Variants in KCNH7 observed in about 807,000 individuals in gnomAD.
KCNH7 encodes voltage-gated inwardly rectifying potassium channel KCNH7.
Under a neutral mutation model 120.8 loss-of-function variants are expected in KCNH7, and 49 were observed. The observed-to-expected ratio is 0.41, with a 90% CI of 0.32 to 0.51. The LOEUF (loss-of-function observed/expected upper bound fraction) is 0.51, where lower values mean the gene tolerates loss of function less well. KCNH7 is among the 20% of genes least tolerant of loss of function. The probability of loss-of-function intolerance (pLI) is 0.38; values close to 1 mark genes in which losing one functional copy is unlikely to be tolerated. For missense variants in KCNH7, 1,097 were observed against 1,446.6 expected, an observed-to-expected ratio of 0.76 and a Z score of 3.92; for synonymous variants, 547 against 516.1, an observed-to-expected ratio of 1.06 and a Z score of -0.81.
intron 2 of KCNH7, among the ~76,000 whole-genome samples, chr2:162,708,718 A>T (rs1686807649): frequency 6.6e-6 from 1 of 152,106 alleles, no homozygotes; most frequent in Non-Finnish European, 1.5e-5. Context: ...TGAGAATTTG[A>T]TGACAAATAT....
intron 2 of KCNH7, among the ~76,000 whole-genome samples, chr2:162,767,497 T>C (rs1682867708): frequency 6.6e-6 from 1 of 152,128 alleles, no homozygotes. Flanking sequence ...ATAGTTTTAC[T>C]GCTATTGGAG....
chr2:162,678,421 G>C (rs76706746), intron 2 of KCNH7, among the ~76,000 whole-genome samples: 5,539 of 151,434 alleles, frequency 0.037, 128 homozygotes, highest in South Asian at 0.056. Context: ...ACAACTGATA[G>C]CTGATCAAAG....
chr2:162,509,475 G>C (rs1319271395), intron 5 of KCNH7, among the ~76,000 whole-genome samples: 1 of 151,592 alleles, frequency 6.6e-6, no homozygotes, highest in Non-Finnish European at 1.5e-5. Context: ...AATTCCTCAA[G>C]TGACTTAACA....
intron 2 of KCNH7, among the ~76,000 whole-genome samples, chr2:162,564,739 A>G (rs1693193157): frequency 6.6e-6 from 1 of 152,104 alleles, no homozygotes; most frequent in Non-Finnish European, 1.5e-5. Context: ...GCATCTGTAA[A>G]ATTACTACAT....
chr2:162,513,051 AAAGG>A (rs1243848067), intron 4 of KCNH7, among the ~76,000 whole-genome samples: 4 of 151,848 alleles, frequency 2.6e-5, no homozygotes, highest in African/African-American at 9.7e-5. Context: ...GAATATACTC[AAAGG>A]AAGACTCCAC....
chr2:162,459,377 T>C (rs1000796423), intron 6 of KCNH7, among the ~76,000 whole-genome samples: 6 of 152,114 alleles, frequency 3.9e-5, no homozygotes, highest in Non-Finnish European at 8.8e-5. Flanking sequence ...AGACAGCTGT[T>C]GTGGACCAAA....
chr2:162,393,586 A>T (rs1275156292), intron 12 of KCNH7, among the ~76,000 whole-genome samples: 1 of 151,980 alleles, frequency 6.6e-6, no homozygotes, highest in African/African-American at 2.4e-5. Flanking sequence ...AGAAAAGAGT[A>T]TTCAAGAAAA....
At chr2:162,510,955 T>A (rs928172175) in intron 5 of KCNH7, among the ~76,000 whole-genome samples, 1 of 151,804 alleles carries the variant, frequency 6.6e-6, no homozygotes, top group Non-Finnish European at 1.5e-5. Context: ...TTTGGGGATA[T>A]AACTTCTTAA....
chr2:162,648,205 T>C (rs538948991), intron 2 of KCNH7, among the ~76,000 whole-genome samples: 1 of 152,162 alleles, frequency 6.6e-6, no homozygotes, highest in East Asian at 1.9e-4. Flanking sequence ...GGAAGCATGG[T>C]TGGGAGGCAT....
At chr2:162,448,873 C>T (rs147712147) in intron 6 of KCNH7, among the ~76,000 whole-genome samples, 12 of 151,968 alleles carry the variant, frequency 7.9e-5, no homozygotes, top group African/African-American at 2.9e-4. Context: ...ATGGGAGTCC[C>T]CTTGAGGTCC....
intron 2 of KCNH7, among the ~76,000 whole-genome samples, chr2:162,716,354 T>TCAAAAACTAAAAAGG (rs1398159191): frequency 6.6e-6 from 1 of 152,138 alleles, no homozygotes; most frequent in Non-Finnish European, 1.5e-5. Flanking sequence ...AAATTTGTTC[T>TCAAAAACTAAAAAGG]CAAAAACTAA....
intron 2 of KCNH7, among the ~76,000 whole-genome samples, chr2:162,672,910 C>A (rs1156379554): frequency 6.6e-6 from 1 of 151,754 alleles, no homozygotes; most frequent in Admixed American, 6.6e-5. Context: ...GTTTAAATAA[C>A]AAGACAATAA....
chr2:162,821,268 T>C (rs1049888459), intron 2 of KCNH7, among the ~76,000 whole-genome samples: 1 of 152,252 alleles, frequency 6.6e-6, no homozygotes, highest in African/African-American at 2.4e-5. Flanking sequence ...GCTGTGCTCA[T>C]GACTTACTAT....
chr2:162,781,665 A>G (rs1683495623), intron 2 of KCNH7, among the ~76,000 whole-genome samples: 1 of 152,144 alleles, frequency 6.6e-6, no homozygotes, highest in African/African-American at 2.4e-5. Flanking sequence ...GGGTCCTTAA[A>G]GATTAGTGTC....
intron 2 of KCNH7, among the ~76,000 whole-genome samples, chr2:162,750,657 T>G (rs1688506374): frequency 6.6e-6 from 1 of 152,160 alleles, no homozygotes; most frequent in African/African-American, 2.4e-5. Flanking sequence ...TTATAAAAGT[T>G]AAAGGGTAAG....
At chr2:162,393,471 C>T (rs1365327853) in intron 12 of KCNH7, among the ~76,000 whole-genome samples, 1 of 151,870 alleles carries the variant, frequency 6.6e-6, no homozygotes, top group Non-Finnish European at 1.5e-5. Context: ...CCTCAAAACT[C>T]TTAACAAATT....
At chr2:162,799,024 G>T (rs1163229258) in intron 2 of KCNH7, among the ~76,000 whole-genome samples, 1 of 152,006 alleles carries the variant, frequency 6.6e-6, no homozygotes, top group Admixed American at 6.6e-5. Flanking sequence ...GGCCATTTAT[G>T]ATTAATTCTA....
chr2:162,696,630 A>G (rs925551660), intron 2 of KCNH7, among the ~76,000 whole-genome samples: 3 of 151,576 alleles, frequency 2.0e-5, no homozygotes, highest in African/African-American at 7.3e-5. Context: ...TTTTCCATAA[A>G]AAGATCCTAG....
rs184445726 is a variant in KCNH7, at chr2:162,774,156, T to C, written c.307+62381A>G. 3.6e-3 allele frequency among the ~76,000 whole-genome samples: 547 copies of C among 152,260 alleles called. 3 individuals are homozygous for C. The highest frequency in any genetic ancestry group is 0.012 in the African/African-American group (514 of 41,572). On this transcript the variant is annotated intron_variant, in intron 2 of 15. Transcript: ENST00000332142. ...AGCCTTTCAGATCAGGAAAAGAAAC[T>C]TTCTACACTTATGTCAATGTCCTTA...
Sources: gnomAD v4.1 joint callset for allele counts (sites outside exome capture counted in the v4.1 genomes callset) on GRCh38, gnomAD v4.1.1 for gene constraint, MANE v1.5 for transcripts, NCBI Gene and HGNC (gene_info 2026-07-23, HGNC 2026-07-21) for gene names.